ZBTB7C: variants seen among roughly 807,000 people sequenced by gnomAD.
ZBTB7C encodes the protein zinc finger and BTB domain-containing protein 7C.
ZBTB7C carries 8 observed loss-of-function variants against 25.7 expected under a neutral mutation model. The ratio of observed to expected loss-of-function variants is 0.31; its 90% CI spans 0.18 to 0.56. The LOEUF (loss-of-function observed/expected upper bound fraction) is 0.56. Among genes scored for constraint, ZBTB7C ranks in the 20% least tolerant of loss-of-function variants. The pLI is 0.91. For synonymous variants in ZBTB7C, 394 were observed against 369.0 expected, an observed-to-expected ratio of 1.07 and a Z score of -0.78; for missense variants, 824 against 855.2, an observed-to-expected ratio of 0.96 and a Z score of 0.46.
chr18:48,120,772 C>A (rs1367027323), intron 3 of ZBTB7C, among the ~76,000 whole-genome samples: 2 of 152,218 alleles, frequency 1.3e-5, no homozygotes, highest in South Asian at 2.1e-4. Context: ...GTCTGCACAA[C>A]CCCATTCACT....
At chr18:48,138,077 T>G (rs2040229397) in intron 3 of ZBTB7C, among the ~76,000 whole-genome samples, 1 of 152,246 alleles carries the variant, frequency 6.6e-6, no homozygotes, top group Admixed American at 6.5e-5. Flanking sequence ...GAGTGAATCT[T>G]TCCTGTTGAT....
chr18:48,124,956 C>T (rs2039752446), intron 3 of ZBTB7C, among the ~76,000 whole-genome samples: 1 of 152,142 alleles, frequency 6.6e-6, no homozygotes, highest in Admixed American at 6.5e-5. Context: ...AACTGCTGAG[C>T]CACACCCTCA....
intron 3 of ZBTB7C, among the ~76,000 whole-genome samples, chr18:48,102,564 CAA>C (rs58790347): frequency 0.2 from 19,029 of 95,670 alleles, 1,363 homozygotes; most frequent in Non-Finnish European, 0.25. Flanking sequence ...GATCCTCCCT[CAA>C]AAAAAAAAAA....
At chr18:48,341,019 C>A (rs1241679686) in intron 1 of ZBTB7C, among the ~76,000 whole-genome samples, 1 of 152,130 alleles carries the variant, frequency 6.6e-6, no homozygotes, top group Non-Finnish European at 1.5e-5. Context: ...TTCCCAAGGG[C>A]CCCCTTCAGT....
At chr18:48,344,110 G>A (rs572685806) in intron 1 of ZBTB7C, among the ~76,000 whole-genome samples, 39 of 152,242 alleles carry the variant, frequency 2.6e-4, no homozygotes, top group East Asian at 1.3e-3. Flanking sequence ...TCGGCCTTCC[G>A]AGTAGCTGGA....
At chr18:48,130,481 T>G (rs2039953544) in intron 3 of ZBTB7C, among the ~76,000 whole-genome samples, 1 of 152,148 alleles carries the variant, frequency 6.6e-6, no homozygotes, top group Non-Finnish European at 1.5e-5. Context: ...GTCCTTGCCC[T>G]TGAAGAGCGT....
chr18:48,029,383 G>C lies in ZBTB7C; in HGVS notation c.1737C>G (p.Ala579=), dbSNP rs1463616249. 3.9e-6 allele frequency: 6 copies of C among 1,557,850 alleles called. No homozygotes were observed. The highest frequency in any genetic ancestry group is 5.2e-6 in the Non-Finnish European group (6 of 1,155,644). Residue 579 remains alanine, a synonymous_variant, in exon 5 of 5, where the codon GCC becomes GCG. Transcript: ENST00000590800. The part of the protein sequence containing the change: ...NAGGLLAFAL[A]ENVAAARPYF... ...AGGGCCGCGCCGCCGCCACGTTCTCGGCCAGCGCGAAGGCCAGGAGGCCCC... is the reference window on the plus strand; with the variant it reads ...AGGGCCGCGCCGCCGCCACGTTCTCCGCCAGCGCGAAGGCCAGGAGGCCCC...
chr18:48,100,561 CA>C (rs2038792946), intron 3 of ZBTB7C, among the ~76,000 whole-genome samples: 1 of 152,128 alleles, frequency 6.6e-6, no homozygotes, highest in Non-Finnish European at 1.5e-5. Flanking sequence ...CATTAAGCCA[CA>C]AAAGGTGTGG....
chr18:48,138,380 G>T (rs555226659), intron 3 of ZBTB7C, among the ~76,000 whole-genome samples: 2 of 152,298 alleles, frequency 1.3e-5, no homozygotes, highest in South Asian at 4.2e-4. Flanking sequence ...CAGGGAGCCT[G>T]CCCCAGAGAG....
intron 3 of ZBTB7C, among the ~76,000 whole-genome samples, chr18:48,097,439 C>G (rs2038678942): frequency 6.6e-6 from 1 of 150,998 alleles, no homozygotes; most frequent in Admixed American, 6.6e-5. Context: ...CTCTGTCGCC[C>G]AGGCTGGAGT....
In ZBTB7C at chr18:48,074,544, C is replaced by T. The variant is rs2037684748; in HGVS notation, c.-16-33421G>A. Among the ~76,000 whole-genome samples the T allele has an allele frequency of 2.0e-5, 3 of 152,220 alleles. No individual in the cohort carries two copies. In the East Asian group the frequency reaches 5.8e-4, roughly 29 times the overall value. Reference sequence around the variant, plus strand: ...TCAGAGAGAGCCCAGCAGCTCAGAACCGCACAGCCCTGTGTGGGCAGCTGT... The same window carrying T: ...TCAGAGAGAGCCCAGCAGCTCAGAATCGCACAGCCCTGTGTGGGCAGCTGT... On this transcript the variant is annotated intron_variant, in intron 3 of 4. Transcript: ENST00000590800.
At chr18:48,065,602 G>A (rs1044559481) in intron 3 of ZBTB7C, among the ~76,000 whole-genome samples, 1 of 152,188 alleles carries the variant, frequency 6.6e-6, no homozygotes, top group Non-Finnish European at 1.5e-5. Context: ...CTCTCAGGAG[G>A]TTGCTGGGCT....
chr18:48,270,809 C>T (rs113844520), intron 2 of ZBTB7C, among the ~76,000 whole-genome samples: 4,451 of 151,854 alleles, frequency 0.029, 94 homozygotes, highest in Non-Finnish European at 0.045. Context: ...CAAAGTGCTG[C>T]GATTACTGGC....
chr18:48,135,869 C>T (rs1445300568), intron 3 of ZBTB7C, among the ~76,000 whole-genome samples: 1 of 152,266 alleles, frequency 6.6e-6, no homozygotes, highest in East Asian at 1.9e-4. Context: ...TGCCACTAGC[C>T]GACCAATAAG....
chr18:48,129,043 G>A (rs185464209), intron 3 of ZBTB7C, among the ~76,000 whole-genome samples: 26 of 152,126 alleles, frequency 1.7e-4, no homozygotes, highest in Non-Finnish European at 2.5e-4. Flanking sequence ...TGAGGTGAGG[G>A]GTTTGAAAGG....
In ZBTB7C at chr18:48,302,257, T is replaced by A. The variant is rs566505013; in HGVS notation, c.-79+35917A>T. Among the ~76,000 whole-genome samples, 191 of 152,302 alleles carry A rather than the reference T, an allele frequency of 1.3e-3. 1 individual carries two copies. Among genetic ancestry groups the A allele is most frequent in the Non-Finnish European group, 2.2e-3 (147 of 68,030 alleles). The stretch of plus-strand genomic sequence containing the variant: ...GAGGAGAGTGGACGCCCCTGGAGTC[T>A]GGCTTCAGGAGAGGATAGGGCTGTC... On this transcript the variant is annotated intron_variant, in intron 2 of 4. Coordinates refer to ENST00000590800, the MANE Select transcript of ZBTB7C (RefSeq NM_001318841.2).
At chr18:48,232,096 G>T (rs2043270791) in intron 2 of ZBTB7C, among the ~76,000 whole-genome samples, 1 of 152,236 alleles carries the variant, frequency 6.6e-6, no homozygotes, top group Admixed American at 6.5e-5. Flanking sequence ...AGCCTGCCAG[G>T]CTGAGTGGGC....
chr18:48,058,391 T>C (rs1307151494), intron 3 of ZBTB7C, among the ~76,000 whole-genome samples: 1 of 152,166 alleles, frequency 6.6e-6, no homozygotes, highest in Admixed American at 6.5e-5. Flanking sequence ...CACAGTCTGT[T>C]CTGGATATAA....
rs553707445 is a variant in ZBTB7C, at chr18:48,340,186, T to C, written c.-303-1788A>G. 1.1e-3 allele frequency among the ~76,000 whole-genome samples: 171 copies of C among 152,314 alleles called. 2 individuals carry two copies. Among genetic ancestry groups the C allele is most frequent in the African/African-American group, 4.0e-3 (168 of 41,568 alleles). ...TTCCAAAGCAGCTCTTCTCATGACA[T>C]AGAGAAACTCACAACCTAGGACATT... On this transcript the variant is annotated intron_variant, in intron 1 of 4. Coordinates refer to ENST00000590800, the MANE Select transcript of ZBTB7C (RefSeq NM_001318841.2).
Sources: allele counts gnomAD v4.1 joint callset (sites outside exome capture counted in the v4.1 genomes callset), GRCh38; gene constraint gnomAD v4.1.1; transcripts MANE v1.5; gene names NCBI Gene and HGNC (gene_info 2026-07-23, HGNC 2026-07-21).